Variants in PEAR1 observed in about 807,000 individuals in gnomAD.
PEAR1 encodes the protein platelet endothelial aggregation receptor 1.
A neutral mutation model predicts 131.2 loss-of-function variants in PEAR1; 113 were observed. That is an observed-to-expected ratio of 0.86 (90% CI 0.74 to 1.01). PEAR1 has a LOEUF of 1.01. PEAR1 is among the 50% of genes least tolerant of loss of function. PEAR1 has a pLI of 0.00. For synonymous variants in PEAR1, 565 were observed against 523.3 expected (o/e 1.08, Z -1.09); for missense variants, 1,408 against 1,391.1 (o/e 1.01, Z -0.19).
At chr1:156,896,066 G>A (rs1337840150) in intron 1 of PEAR1, among the ~76,000 whole-genome samples, 2 of 152,180 alleles carry the variant, frequency 1.3e-5, no homozygotes, top group Admixed American at 1.3e-4. Flanking sequence ...TGGGCACACA[G>A]CGAAGCCCTG....
chr1:156,907,588 C>G (rs1319846743), intron 6 of PEAR1, 22 bp from the exon 7 acceptor site: 2 of 1,594,562 alleles, frequency 1.3e-6, no homozygotes, highest in African/African-American at 2.7e-5. Context: ...TGCACATTGA[C>G]TCCACCCACT....
intron 13 of PEAR1, 45 bp downstream of exon 13, chr1:156,910,153 A>C: frequency 6.2e-7 from 1 of 1,613,900 alleles, no homozygotes; most frequent in Non-Finnish European, 8.5e-7. Flanking sequence ...TGGGGGATGC[A>C]TCCATAGGAA....
Position 156,903,959 on chromosome 1 carries a change from G to C in PEAR1, c.33G>C (p.Leu11=), listed in dbSNP as rs140258023. ...CGCCTCTGTGTCCCCTCCTTCTCCT[G>C]GCTGTGGGCCTGCGGCTGGCTGGAA... MSPPLCPLLL[L]AVGLRLAGTL... is the part of the protein sequence containing the mutation. The change falls in exon 2 of 23, where the codon CTG becomes CTC. Residue 11 remains leucine, a synonymous_variant. Coordinates refer to ENST00000292357, the MANE Select transcript of PEAR1 (RefSeq NM_001080471.3). 5.0e-6 allele frequency: 8 copies of C among 1,613,962 alleles called. No homozygotes were observed. The African/African-American group carries it at 8.0e-5, about 16-fold the overall frequency.
At chr1:156,911,504 G>A (rs1440300476) in intron 15 of PEAR1, among the ~76,000 whole-genome samples, 2 of 151,800 alleles carry the variant, frequency 1.3e-5, no homozygotes, top group East Asian at 1.9e-4. Flanking sequence ...GGCTGGTCTC[G>A]AACTCCTGAC....
chr1:156,904,934 C>T, intron 3 of PEAR1, 82 bp downstream of exon 3: 10 of 1,591,994 alleles, frequency 6.3e-6, no homozygotes, highest in Non-Finnish European at 7.7e-6. Flanking sequence ...TGTACCTGTT[C>T]ACTTCTCAGA....
intron 1 of PEAR1, 46 bp downstream of exon 1, chr1:156,893,883 C>G (rs1648889116): frequency 6.6e-6 from 1 of 152,286 alleles, no homozygotes; most frequent in Non-Finnish European, 1.5e-5. Context: ...GGTGGTGCGG[C>G]CCCGGAGACC....
rs779907483 is a variant in PEAR1, at chr1:156,910,294, G to T, written c.1739G>T (p.Cys580Phe). 1.2e-6 allele frequency: 2 copies of T among 1,613,642 alleles called. No individual in the cohort carries two copies. The highest frequency in any genetic ancestry group is 2.2e-5 in the South Asian group (2 of 91,004). The change falls in exon 14 of 23, where the codon TGC becomes TTC. Residue 580 changes from cysteine to phenylalanine, a missense_variant. Physicochemically the swap from Cys to Phe is radical, Grantham distance 205. Coordinates refer to ENST00000292357, the MANE Select transcript of PEAR1 (RefSeq NM_001080471.3). ...TGGGGAGTCAACTGTAGCAACACCTGCACCTGCAAGAATGGGGGCACCTGT... is the reference window on the plus strand; with the variant it reads ...TGGGGAGTCAACTGTAGCAACACCTTCACCTGCAAGAATGGGGGCACCTGT... The part of the protein sequence containing the change: ...GLWGVNCSNT[C>F]TCKNGGTCLP...
rs753945173 is a variant in PEAR1 at position 156,912,953 on chromosome 1, G to A, written c.2393G>A (p.Arg798His). ...CTGGCTGTGGCTTACAGCAGCGGGC[G>A]CCTGGACGGCTCCGAGTATGTCATG... The part of the protein sequence containing the change: ...HHLAVAYSSG[R>H]LDGSEYVMPD... Residue 798 changes from arginine (R) to histidine (H), a missense_variant, in exon 18 of 23, where the codon CGC (arginine) becomes CAC (histidine). Arg to His is a conservative substitution (Grantham distance 29, BLOSUM62 0). Coordinates refer to ENST00000292357, the MANE Select transcript of PEAR1 (RefSeq NM_001080471.3). The A allele has an allele frequency of 1.9e-5, 30 of 1,614,066 alleles. No individual in the cohort carries two copies. Among genetic ancestry groups the A allele is most frequent in the Admixed American group, 8.3e-5 (5 of 60,008 alleles).
Position 156,902,054 on chromosome 1 carries a change from T to A in PEAR1, c.-9-1864T>A, listed in dbSNP as rs554421578. 6.6e-6 allele frequency: 1 copy of A among 152,310 alleles called. No individual in the cohort carries two copies. Among genetic ancestry groups the A allele is most frequent in the Non-Finnish European group, 1.5e-5 (1 of 68,058 alleles). The allele number at this position is 152,310 out of a possible 1,614,324, so 9.4% of individuals were successfully genotyped here. Reference sequence around the variant, plus strand: ...CACAGTGTCAGCTCTGGAGACAAGCTGCCAGAAAGAGGCTTCTGGTCATGG... The same window carrying A: ...CACAGTGTCAGCTCTGGAGACAAGCAGCCAGAAAGAGGCTTCTGGTCATGG... On this transcript the variant is annotated intron_variant, in intron 1 of 22. Transcript: ENST00000292357. This position sits in a 1 kb window ranked among gnomAD's most constrained non-coding sequence, Gnocchi z 4.3.
chr1:156,899,904 T>C (rs1401522365), intron 1 of PEAR1, among the ~76,000 whole-genome samples: 1 of 152,140 alleles, frequency 6.6e-6, no homozygotes, highest in Non-Finnish European at 1.5e-5. Context: ...GGGAAGTCCC[T>C]TCTGCTGTCT....
At position 156,912,987 on chromosome 1, in the gene PEAR1, GCTGGCACAGGGC is replaced by G. The variant is rs1180827027; in HGVS notation, c.2422+10_2422+21del. ...GCTCCGAGTATGTCATGCCAGGTGA[GCTGGCACAGGGC>G]CTGGGGCACAGATGAGTGGCTGGCT... On this transcript the variant is annotated splice_donor_region_variant and intron_variant, in intron 18 of 22. Transcript: ENST00000292357. The G allele has an allele frequency of 2.5e-6, 4 of 1,613,628 alleles. No individual in the cohort carries two copies. In the Admixed American group the frequency reaches 6.7e-5, roughly 27 times the overall value.
intron 1 of PEAR1, among the ~76,000 whole-genome samples, chr1:156,896,102 A>G (rs1490098361): frequency 6.6e-6 from 1 of 152,242 alleles, no homozygotes; most frequent in Non-Finnish European, 1.5e-5. Context: ...AAAAGAAAGC[A>G]GCACAGGCTT....
intron 15 of PEAR1, among the ~76,000 whole-genome samples, chr1:156,911,106 CTTTTCTTT>C (rs1651084484): frequency 2.0e-5 from 2 of 98,358 alleles, no homozygotes; most frequent in African/African-American, 9.6e-5. Context: ...TTCTTTCTTT[CTTTTCTTT>C]CTTCTTTCTT....
chr1:156,895,037 G>T (rs1205923555), intron 1 of PEAR1, among the ~76,000 whole-genome samples: 3 of 152,232 alleles, frequency 2.0e-5, no homozygotes, highest in African/African-American at 7.2e-5. Flanking sequence ...TCCCTGCTGT[G>T]TGGCCTCTCC....
At chr1:156,895,094 G>A (rs967693161) in intron 1 of PEAR1, among the ~76,000 whole-genome samples, 4 of 152,334 alleles carry the variant, frequency 2.6e-5, no homozygotes, top group Admixed American at 2.0e-4. Context: ...CCCCACTGCA[G>A]GTGGGGCTGC....
At chr1:156,907,037 A>G (rs1427165133) in intron 6 of PEAR1, among the ~76,000 whole-genome samples, 157 bp downstream of exon 6, 4 of 152,236 alleles carry the variant, frequency 2.6e-5, no homozygotes, top group African/African-American at 9.6e-5. Flanking sequence ...TCACGAGTGG[A>G]GTGACCTTGA....
intron 6 of PEAR1, among the ~76,000 whole-genome samples, chr1:156,907,409 C>A (rs1650455153): frequency 6.6e-6 from 1 of 152,136 alleles, no homozygotes; most frequent in Non-Finnish European, 1.5e-5. Flanking sequence ...TCTTTGCTCA[C>A]CCCCACCTGC....
rs1482036472 is a variant in PEAR1 at position 156,902,761 on chromosome 1, G to A, written c.-9-1157G>A. Among the ~76,000 whole-genome samples the A allele has an allele frequency of 2.6e-5, 4 of 152,162 alleles. No homozygotes were observed. Among genetic ancestry groups the A allele is most frequent in the Non-Finnish European group, 4.4e-5 (3 of 68,022 alleles). On this transcript the variant is annotated intron_variant, in intron 1 of 22. Coordinates refer to ENST00000292357, the MANE Select transcript of PEAR1 (RefSeq NM_001080471.3). This position sits in a 1 kb window ranked among gnomAD's most constrained non-coding sequence, Gnocchi z 4.3. ...GAGCCAGAGCAAGTTTTGGGAACAC[G>A]GAATGCAGACCCTGAAGCCGGCTGC...
In PEAR1 at chr1:156,910,123, G is replaced by A; in HGVS notation, c.1678+15G>A. 1 of 1,614,052 alleles carries A rather than the reference G, an allele frequency of 6.2e-7. No individual in the cohort carries two copies. Among genetic ancestry groups the A allele is most frequent in the Non-Finnish European group, 8.5e-7 (1 of 1,179,974 alleles). ...TGGCTGGATGGGTGAGCATTCTGGG[G>A]CCCCAGGCCTACTGTGGATTGGGGG... On this transcript the variant is annotated intron_variant, in intron 13 of 22. Transcript: ENST00000292357.
Sources: allele counts gnomAD v4.1 joint callset (sites outside exome capture counted in the v4.1 genomes callset), GRCh38; gene constraint gnomAD v4.1.1; non-coding constraint Gnocchi (gnomAD v3.1); transcripts MANE v1.5; gene names NCBI Gene and HGNC (gene_info 2026-07-23, HGNC 2026-07-21).